SYT9: variants seen among roughly 807,000 people sequenced by gnomAD.
The protein encoded by SYT9 is synaptotagmin-9.
SYT9 carries 22 observed loss-of-function variants against 48.4 expected under a neutral mutation model. The ratio of observed to expected loss-of-function variants is 0.45; its 90% CI spans 0.32 to 0.65. The LOEUF (loss-of-function observed/expected upper bound fraction) is 0.65. Among genes scored for constraint, SYT9 ranks in the 30% least tolerant of loss-of-function variants. The probability of loss-of-function intolerance (pLI) is 0.03; values close to 1 mark genes in which losing one functional copy is unlikely to be tolerated. For synonymous variants in SYT9, 265 were observed against 245.0 expected (o/e 1.08, Z -0.76); for missense variants, 577 against 622.0 (o/e 0.93, Z 0.77).
chr11:7,312,525 GAC>G (rs922120234), intron 2 of SYT9, among the ~76,000 whole-genome samples: 3 of 152,190 alleles, frequency 2.0e-5, no homozygotes, highest in African/African-American at 7.2e-5. Context: ...AACTTGGGAA[GAC>G]ACACACAGAT....
chr11:7,253,519 G>T (rs1450114452), intron 1 of SYT9, among the ~76,000 whole-genome samples: 1 of 152,162 alleles, frequency 6.6e-6, no homozygotes, highest in Non-Finnish European at 1.5e-5. Flanking sequence ...AGATGGTCGT[G>T]TGGGGTGAAG....
intron 6 of SYT9, chr11:7,427,798 G>A (rs1847493431): frequency 6.6e-6 from 1 of 152,166 alleles, no homozygotes; most frequent in Admixed American, 6.5e-5. Flanking sequence ...CACCTGCAGG[G>A]CCGCTGAAGC....
intron 3 of SYT9, among the ~76,000 whole-genome samples, chr11:7,382,272 A>G (rs1249869622): frequency 6.6e-6 from 1 of 152,222 alleles, no homozygotes; most frequent in Non-Finnish European, 1.5e-5. Flanking sequence ...ATCTTAAGAT[A>G]GGGTAGCACT....
chr11:7,285,365 A>T (rs1848577736), intron 1 of SYT9, among the ~76,000 whole-genome samples: 1 of 152,188 alleles, frequency 6.6e-6, no homozygotes, highest in Non-Finnish European at 1.5e-5. Flanking sequence ...AGCAAGAGAA[A>T]AGTCCTTTAT....
At chr11:7,321,941 T>C (rs1225981488) in intron 3 of SYT9, among the ~76,000 whole-genome samples, 1 of 152,120 alleles carries the variant, frequency 6.6e-6, no homozygotes, top group Non-Finnish European at 1.5e-5. Context: ...CAACTAGGGA[T>C]CACTTTCCTT....
intron 1 of SYT9, among the ~76,000 whole-genome samples, chr11:7,262,567 A>G (rs1589894370): frequency 6.6e-6 from 1 of 152,134 alleles, no homozygotes; most frequent in Non-Finnish European, 1.5e-5. Flanking sequence ...AAGAGAGACT[A>G]GAAATGAAAG....
At chr11:7,248,770 C>G (rs57643562), upstream of SYT9, among the ~76,000 whole-genome samples, 2,509 of 152,210 alleles carry the variant, frequency 0.016, 58 homozygotes, top group African/African-American at 0.057. Flanking sequence ...AAGCAATCTA[C>G]AAATTCAACA....
chr11:7,349,478 CAG>C (rs1843200530), intron 3 of SYT9, among the ~76,000 whole-genome samples: 1 of 152,072 alleles, frequency 6.6e-6, no homozygotes, highest in Admixed American at 6.5e-5. Flanking sequence ...CCCAAATGCA[CAG>C]AGTTGCCCCT....
chr11:7,401,692 C>A (rs1052434436), intron 3 of SYT9, among the ~76,000 whole-genome samples: 1 of 151,356 alleles, frequency 6.6e-6, no homozygotes, highest in African/African-American at 2.4e-5. Flanking sequence ...ATAAAATTTC[C>A]TTATTATTTT....
intron 3 of SYT9, among the ~76,000 whole-genome samples, chr11:7,334,465 T>C (rs901026558): frequency 1.3e-5 from 2 of 152,198 alleles, no homozygotes; most frequent in Non-Finnish European, 2.9e-5. Flanking sequence ...GCAGTTTCAC[T>C]GAGGAATAAT....
intron 1 of SYT9, among the ~76,000 whole-genome samples, chr11:7,295,593 G>A (rs1848786440): frequency 6.6e-6 from 1 of 152,122 alleles, no homozygotes; most frequent in Non-Finnish European, 1.5e-5. Context: ...TCCATTCATG[G>A]CAGTGTAAGC....
chr11:7,332,581 C>CT (rs1849559087), intron 3 of SYT9, among the ~76,000 whole-genome samples: 1 of 152,206 alleles, frequency 6.6e-6, no homozygotes, highest in Non-Finnish European at 1.5e-5. Flanking sequence ...GAGGGATCCT[C>CT]TTCCCCTCAC....
At chr11:7,336,022 A>G (rs1255917135) in intron 3 of SYT9, among the ~76,000 whole-genome samples, 1 of 152,040 alleles carries the variant, frequency 6.6e-6, no homozygotes, top group Non-Finnish European at 1.5e-5. Context: ...TTGACTTTTT[A>G]GTAGTAGCCA....
chr11:7,422,121 G>C (rs901091653), intron 6 of SYT9, among the ~76,000 whole-genome samples: 1 of 152,214 alleles, frequency 6.6e-6, no homozygotes, highest in Non-Finnish European at 1.5e-5. Context: ...GCCTCACCCA[G>C]TGTGGGCACC....
intron 3 of SYT9, among the ~76,000 whole-genome samples, chr11:7,372,487 A>T (rs1056743041): frequency 2.0e-4 from 31 of 152,180 alleles, no homozygotes; most frequent in Non-Finnish European, 2.8e-4. Flanking sequence ...TAATTTTAAA[A>T]TTTTTTATGA....
rs187559355 is a variant in SYT9 at position 7,415,912 on chromosome 11, G to A, written c.1045-130G>A. The A allele has an allele frequency of 4.6e-5, 52 of 1,128,362 alleles. No homozygotes were observed. In the East Asian group the frequency reaches 1.2e-3, roughly 27 times the overall value. The allele number at this position is 1,128,362 out of a possible 1,614,324, so 69.9% of individuals were successfully genotyped here. A position where few individuals can be genotyped will look rare whatever the true frequency, so the allele number is the denominator to read the frequency against. On this transcript the variant is annotated intron_variant, in intron 3 of 6. Transcript: ENST00000318881. ...CTCCCTGTGACTGACATGAACGGAAGAGATACCAGGGATTCTACAAGCTGA... is the reference window on the plus strand; with the variant it reads ...CTCCCTGTGACTGACATGAACGGAAAAGATACCAGGGATTCTACAAGCTGA...
intron 1 of SYT9, among the ~76,000 whole-genome samples, chr11:7,283,873 T>C (rs1406903043): frequency 6.6e-6 from 1 of 152,176 alleles, no homozygotes; most frequent in African/African-American, 2.4e-5. Context: ...ATTGTAATTT[T>C]GTAAAAAAAT....
chr11:7,365,195 G>A (rs1009895938), intron 3 of SYT9, among the ~76,000 whole-genome samples: 4 of 151,892 alleles, frequency 2.6e-5, no homozygotes, highest in African/African-American at 9.7e-5. Flanking sequence ...AAAAAAAAGC[G>A]ATGAAATTAC....
intron 3 of SYT9, among the ~76,000 whole-genome samples, chr11:7,349,962 C>T (rs555037377): frequency 2.0e-5 from 3 of 152,286 alleles, no homozygotes; most frequent in African/African-American, 4.8e-5. Context: ...TGATTTGAAT[C>T]CAGTACACTT....
Sources: gnomAD v4.1 joint callset for allele counts (sites outside exome capture counted in the v4.1 genomes callset) on GRCh38, gnomAD v4.1.1 for gene constraint, MANE v1.5 for transcripts, NCBI Gene and HGNC (gene_info 2026-07-23, HGNC 2026-07-21) for gene names.